ZNF423: variants seen among roughly 807,000 people sequenced by gnomAD.
ZNF423 encodes the protein Ebf-associated zinc finger protein.
In ZNF423, 12 loss-of-function variants were observed where a neutral mutation model predicts 95.8. The observed-to-expected ratio is 0.13, with a 90% CI of 0.08 to 0.20. ZNF423 has a LOEUF of 0.20. Among genes scored for constraint, ZNF423 ranks in the 10% least tolerant of loss-of-function variants. The pLI, the probability that ZNF423 is intolerant of heterozygous loss-of-function variation, is 1.00. For missense variants in ZNF423, 1,316 were observed against 1,737.1 expected (o/e 0.76, Z 4.31); for synonymous variants, 749 against 711.9 (o/e 1.05, Z -0.83).
At chr16:49,726,136 G>A (rs188792495) in intron 3 of ZNF423, among the ~76,000 whole-genome samples, 3 of 152,284 alleles carry the variant, frequency 2.0e-5, no homozygotes, top group Admixed American at 2.0e-4. Flanking sequence ...ACAGGCCCCT[G>A]CTGACAGCCC....
At chr16:49,550,528 G>A (rs1050256184) in intron 5 of ZNF423, among the ~76,000 whole-genome samples, 1 of 152,246 alleles carries the variant, frequency 6.6e-6, no homozygotes, top group Non-Finnish European at 1.5e-5. Context: ...GGCCACACAA[G>A]TCTGTGGCCC....
At chr16:49,733,293 A>G (rs1162078654) in intron 2 of ZNF423, among the ~76,000 whole-genome samples, 1 of 152,224 alleles carries the variant, frequency 6.6e-6, no homozygotes, top group Non-Finnish European at 1.5e-5. Flanking sequence ...CCTCCAGATA[A>G]TAAGTTACAA....
At chr16:49,507,939 C>A (rs888011640) in intron 7 of ZNF423, among the ~76,000 whole-genome samples, 1 of 152,164 alleles carries the variant, frequency 6.6e-6, no homozygotes. Context: ...ACAGAAATGT[C>A]GGCCAGGGGC....
In ZNF423 at chr16:49,636,848, G is replaced by A. The variant is rs73565356; in HGVS notation, c.2328C>T (p.His776=). 7.0e-4 allele frequency: 1,124 copies of A among 1,614,012 alleles called. 12 individuals are homozygous for A. In the African/African-American group the frequency reaches 0.013, roughly 19 times the overall value. ...GGTTGCCCAGGTGGCTGTGTTTGAC[G>A]TGCACCTGCAGGTCAGCCTCCTTGC... ...DFRKEADLQV[H]VKHSHLGNPA... Residue 776 remains histidine, a synonymous_variant, in exon 4 of 8, where the codon CAC becomes CAT. Transcript: ENST00000563137. The surrounding 1 kb of genome is among the most constrained non-coding windows in gnomAD (Gnocchi z 8.6).
chr16:49,576,440 T>C (rs1970505296), intron 5 of ZNF423, among the ~76,000 whole-genome samples: 1 of 152,130 alleles, frequency 6.6e-6, no homozygotes, highest in South Asian at 2.1e-4. Flanking sequence ...GTCTATTGAG[T>C]GTTAGCCCCA....
intron 5 of ZNF423, among the ~76,000 whole-genome samples, chr16:49,602,507 C>T (rs144720116): frequency 5.9e-5 from 9 of 152,086 alleles, no homozygotes; most frequent in East Asian, 1.9e-4. Flanking sequence ...CAGCGAGTTT[C>T]GGGTGGGGGG....
At chr16:49,654,439 C>G (rs1973532719) in intron 3 of ZNF423, among the ~76,000 whole-genome samples, 1 of 152,228 alleles carries the variant, frequency 6.6e-6, no homozygotes. Flanking sequence ...AGCACAGGCC[C>G]CAGGCAGGGG....
intron 5 of ZNF423, among the ~76,000 whole-genome samples, chr16:49,623,834 G>A (rs1177359397): frequency 6.6e-6 from 1 of 152,240 alleles, no homozygotes. Flanking sequence ...GGTAGAGGCT[G>A]TCAGATAGGT....
chr16:49,841,492 G>A (rs576453184), intron 1 of ZNF423, among the ~76,000 whole-genome samples: 3 of 152,308 alleles, frequency 2.0e-5, no homozygotes, highest in African/African-American at 7.2e-5. Context: ...TGCCCGTAAC[G>A]TGCATAGCCC....
chr16:49,855,402 C>T lies in ZNF423; in HGVS notation c.40+333G>A, dbSNP rs1173391904. 6.6e-6 allele frequency among the ~76,000 whole-genome samples: 1 copy of T among 151,494 alleles called. No individual in the cohort carries two copies. The highest frequency in any genetic ancestry group is 1.5e-5 in the Non-Finnish European group (1 of 67,750). ...CCTTGATTGGCCACACGGGCCCGGG[C>T]CCCGCACGGAGGGAGCGGCAAGGGC... On this transcript the variant is annotated intron_variant, in intron 1 of 7. Coordinates refer to ENST00000563137, the MANE Select transcript of ZNF423 (RefSeq NM_001379286.1). The surrounding 1 kb of genome is among the most constrained non-coding windows in gnomAD (Gnocchi z 4.7).
chr16:49,517,393 G>A (rs72784285), intron 7 of ZNF423, among the ~76,000 whole-genome samples: 1,972 of 152,276 alleles, frequency 0.013, 27 homozygotes, highest in Non-Finnish European at 0.018. Flanking sequence ...TAAAATGCTC[G>A]AAGACAACTG....
chr16:49,794,838 T>C (rs926096734), intron 1 of ZNF423, among the ~76,000 whole-genome samples: 1 of 152,222 alleles, frequency 6.6e-6, no homozygotes, highest in African/African-American at 2.4e-5. Context: ...TCCCAGTGCC[T>C]AGCTCAGTGC....
chr16:49,619,625 C>T (rs899454289), intron 5 of ZNF423, among the ~76,000 whole-genome samples: 1 of 152,030 alleles, frequency 6.6e-6, no homozygotes, highest in African/African-American at 2.4e-5. Context: ...TATAGTCTTG[C>T]TGTACAGGCT....
intron 3 of ZNF423, among the ~76,000 whole-genome samples, chr16:49,724,666 C>T (rs1227748093): frequency 6.6e-6 from 1 of 152,248 alleles, no homozygotes; most frequent in African/African-American, 2.4e-5. Context: ...CACACAGCAC[C>T]AGCCCTGTAA....
intron 1 of ZNF423, among the ~76,000 whole-genome samples, chr16:49,815,329 C>A (rs527294676): frequency 3.9e-5 from 6 of 152,106 alleles, no homozygotes; most frequent in Admixed American, 6.5e-5. Context: ...GATCTCGATA[C>A]GGGGTCAGGA....
At chr16:49,522,549 G>A (rs1968443331) in intron 7 of ZNF423, among the ~76,000 whole-genome samples, 1 of 152,020 alleles carries the variant, frequency 6.6e-6, no homozygotes, top group African/African-American at 2.4e-5. Context: ...GTTTGTTATT[G>A]CAGCCTAACC....
intron 2 of ZNF423, among the ~76,000 whole-genome samples, chr16:49,746,344 TCGAGCCTCAGCTTCCCCACCTCAAAA>T (rs1189490572): frequency 4.0e-4 from 61 of 152,104 alleles, no homozygotes; most frequent in African/African-American, 1.4e-3. Flanking sequence ...CTTGGACTCA[TCGAGCCTCAGCTTCCCCACCTCAAAA>T]GAGGACAAGC....
intron 2 of ZNF423, among the ~76,000 whole-genome samples, chr16:49,755,534 C>T (rs1011215452): frequency 2.6e-5 from 4 of 152,254 alleles, no homozygotes; most frequent in Admixed American, 2.0e-4. Flanking sequence ...AAAACACACA[C>T]ATGCACACAT....
intron 1 of ZNF423, among the ~76,000 whole-genome samples, chr16:49,792,487 T>C (rs2034432522): frequency 6.6e-6 from 1 of 152,094 alleles, no homozygotes; most frequent in Non-Finnish European, 1.5e-5. Flanking sequence ...AGGTCCAGAG[T>C]GGCAGATCTC....
Sources: allele counts gnomAD v4.1 joint callset (sites outside exome capture counted in the v4.1 genomes callset), GRCh38; gene constraint gnomAD v4.1.1; non-coding constraint Gnocchi (gnomAD v3.1); transcripts MANE v1.5; gene names NCBI Gene and HGNC (gene_info 2026-07-23, HGNC 2026-07-21).